Variants in CDCA7L observed in about 807,000 individuals in gnomAD.
CDCA7L encodes cell division cycle associated 7 like.
In CDCA7L, 44 loss-of-function variants were observed where a neutral mutation model predicts 57.4. The observed-to-expected ratio is 0.77, with a 90% CI of 0.60 to 0.98. The LOEUF (loss-of-function observed/expected upper bound fraction) is 0.98. CDCA7L is among the 50% of genes least tolerant of loss of function. The probability of loss-of-function intolerance (pLI) is 0.00; values close to 1 mark genes in which losing one functional copy is unlikely to be tolerated. For synonymous variants in CDCA7L, 236 were observed against 202.8 expected, an observed-to-expected ratio of 1.16 and a Z score of -1.39; for missense variants, 644 against 580.6, an observed-to-expected ratio of 1.11 and a Z score of -1.12.
Position 21,901,334 on chromosome 7 carries a change from A to ATTATTCTAACTTTT in CDCA7L, c.*974_*987dup, listed in dbSNP as rs1243626253. 7 of 1,414,400 alleles carry ATTATTCTAACTTTT rather than the reference A, an allele frequency of 4.9e-6. No homozygotes were observed. Among genetic ancestry groups the ATTATTCTAACTTTT allele is most frequent in the Non-Finnish European group, 6.5e-6 (7 of 1,073,800 alleles). The allele number at this position is 1,414,400 out of a possible 1,614,324, so 87.6% of individuals were successfully genotyped here. A position where few individuals can be genotyped will look rare whatever the true frequency, so the allele number is the denominator to read the frequency against. On this transcript the variant is annotated 3_prime_UTR_variant, in exon 10 of 10. Transcript: ENST00000406877. ...ATGTTGCTGCACTGTTCCCATGCACATTATTCTAACTTTTTAGTAACTCAC... is the reference window on the plus strand; with the variant it reads ...ATGTTGCTGCACTGTTCCCATGCACATTATTCTAACTTTTTTATTCTAACTTTTTAGTAACTCAC...
Position 21,900,928 on chromosome 7 carries a change from T to C in CDCA7L, c.*1394A>G, listed in dbSNP as rs1448777325. The C allele has an allele frequency of 5.7e-6, 8 of 1,401,690 alleles. No homozygotes were observed. Among genetic ancestry groups the C allele is most frequent in the Middle Eastern group, 1.9e-4 (1 of 5,270 alleles). The allele number at this position is 1,401,690 out of a possible 1,614,324, so 86.8% of individuals were successfully genotyped here. On this transcript the variant is annotated 3_prime_UTR_variant, in exon 10 of 10. Transcript: ENST00000406877. The stretch of plus-strand genomic sequence containing the variant: ...ACAAAACCAGAATGTTGAATGTTTA[T>C]TGCATCAAACAACTTACTTGATCAT...
At chr7:21,934,435 AAG>A (rs940721743) in intron 1 of CDCA7L, among the ~76,000 whole-genome samples, 59 of 152,184 alleles carry the variant, frequency 3.9e-4, no homozygotes, top group African/African-American at 1.3e-3. Flanking sequence ...ATGAAATGAG[AAG>A]AGAGTCAAAA....
intron 1 of CDCA7L, among the ~76,000 whole-genome samples, chr7:21,925,134 CA>C (rs1428410325): frequency 6.6e-6 from 1 of 151,902 alleles, no homozygotes; most frequent in Non-Finnish European, 1.5e-5. Context: ...AAAGATCTGA[CA>C]AAAATATGAC....
chr7:21,902,395 C>A, intron 9 of CDCA7L, 43 bp from the exon 10 acceptor site: 1 of 1,572,364 alleles, frequency 6.4e-7, no homozygotes, highest in South Asian at 1.1e-5. Context: ...AGTACAAATA[C>A]ACAAATGGCA....
At chr7:21,931,619 A>C (rs60570662) in intron 1 of CDCA7L, among the ~76,000 whole-genome samples, 13,717 of 152,250 alleles carry the variant, frequency 0.09, 636 homozygotes, top group South Asian at 0.13. Flanking sequence ...GTATTGATGG[A>C]ACAGATCTCA....
intron 3 of CDCA7L, 120 bp downstream of exon 3, chr7:21,911,497 G>C (rs753413778): frequency 3.2e-6 from 4 of 1,264,452 alleles, no homozygotes; most frequent in Admixed American, 5.1e-5. Context: ...TTAATTGCTT[G>C]TAAGATAAAT....
Position 21,902,054 on chromosome 7 carries a change from CTGTGCTTTTTAA to C in CDCA7L, c.*256_*267del, listed in dbSNP as rs1784904317. The C allele has an allele frequency of 2.1e-6, 1 of 475,600 alleles. No individual in the cohort carries two copies. The allele number at this position is 475,600 out of a possible 1,614,324, so 29.5% of individuals were successfully genotyped here. On this transcript the variant is annotated 3_prime_UTR_variant, in exon 10 of 10. Coordinates refer to ENST00000406877, the MANE Select transcript of CDCA7L (RefSeq NM_018719.5). ...GAACTTTAACCCCACCCCATTTAAACTGTGCTTTTTAATAACTGGCAGATATTTTTAACAAAG... is the reference window on the plus strand; with the variant it reads ...GAACTTTAACCCCACCCCATTTAAACTAACTGGCAGATATTTTTAACAAAG...
intron 1 of CDCA7L, among the ~76,000 whole-genome samples, chr7:21,942,862 C>T (rs774393947): frequency 1.3e-5 from 2 of 152,196 alleles, no homozygotes; most frequent in Non-Finnish European, 2.9e-5. Context: ...TCTGGAATTA[C>T]ATGTTAAACA....
chr7:21,902,565 C>CGACTCAGAGTTTATTA (rs1784954521), intron 9 of CDCA7L: 3 of 578,926 alleles, frequency 5.2e-6, no homozygotes, highest in Non-Finnish European at 9.2e-6. Flanking sequence ...TCCAGAACCA[C>CGACTCAGAGTTTATTA]GATTCAGAGT....
chr7:21,921,074 T>C (rs1414974516), intron 1 of CDCA7L, among the ~76,000 whole-genome samples: 1 of 152,148 alleles, frequency 6.6e-6, no homozygotes, highest in Admixed American at 6.5e-5. Context: ...ATAAACTGCT[T>C]CCAGCAGCAA....
chr7:21,911,816 T>C lies in CDCA7L; in HGVS notation c.166-62A>G, dbSNP rs371023204. On this transcript the variant is annotated intron_variant, in intron 2 of 9. Coordinates refer to ENST00000406877, the MANE Select transcript of CDCA7L (RefSeq NM_018719.5). ...TAGAATAGAGGTTACCAGGGAAGGGTAGAATGAGGAGCTACTGAACGGGTA... is the reference window on the plus strand; with the variant it reads ...TAGAATAGAGGTTACCAGGGAAGGGCAGAATGAGGAGCTACTGAACGGGTA... 1.7e-5 allele frequency: 26 copies of C among 1,507,294 alleles called. 1 individual carries two copies. The highest frequency in any genetic ancestry group is 1.1e-4 in the East Asian group (5 of 44,244). 93.4% of individuals were successfully genotyped at this position (1,507,294 alleles called of 1,614,324 possible). A position where few individuals can be genotyped will look rare whatever the true frequency, so the allele number is the denominator to read the frequency against.
chr7:21,941,657 G>T (rs1786343195), intron 1 of CDCA7L, among the ~76,000 whole-genome samples: 1 of 152,174 alleles, frequency 6.6e-6, no homozygotes, highest in African/African-American at 2.4e-5. Flanking sequence ...TAGTTAAAGG[G>T]AGGAGGGAAC....
intron 1 of CDCA7L, among the ~76,000 whole-genome samples, chr7:21,934,317 G>C (rs1398452931): frequency 6.6e-6 from 1 of 152,106 alleles, no homozygotes; most frequent in Non-Finnish European, 1.5e-5. Context: ...TAGAATTTTT[G>C]TATGTCGCTG....
At position 21,904,117 on chromosome 7, in the gene CDCA7L, A is replaced by C; in HGVS notation, c.1190T>G (p.Leu397Arg). The C allele has an allele frequency of 1.2e-6, 2 of 1,600,428 alleles. No homozygotes were observed. Among genetic ancestry groups the C allele is most frequent in the Non-Finnish European group, 1.7e-6 (2 of 1,174,296 alleles). ...RYGEDVRSAL[L>R]DPDWVCPPCR... ...TGCAAACACTGTTCCTACCGGGTCC[A>C]GCAATGCCGATCTGACATCCTCCCC... The change falls in exon 8 of 10, where the codon CTG becomes CGG. Residue 397 changes from leucine to arginine, a missense_variant. Transcript: ENST00000406877.
rs200891942 is a variant in CDCA7L at position 21,908,392 on chromosome 7, A to G, written c.419T>C (p.Ile140Thr). 158 of 1,608,876 alleles carry G rather than the reference A, an allele frequency of 9.8e-5. 2 individuals are homozygous for G. In the South Asian group the frequency reaches 1.1e-3, roughly 11 times the overall value. The change falls in exon 4 of 10, where the codon ATT (isoleucine) becomes ACT (threonine). Residue 140 changes from isoleucine to threonine, a missense_variant. By Grantham distance (89) the Ile-to-Thr change is moderately conservative. Transcript: ENST00000406877. ...GAACTGAAAGGCTACTCGAAGACCA[A>G]TACTACTTCTTCTAGACCTGCTTCT... is the stretch of plus-strand genomic sequence containing the variant. ...PRRSRSRRSS[I>T]GLRVAFQFPT...
At chr7:21,932,924 A>G (rs1302778267) in intron 1 of CDCA7L, among the ~76,000 whole-genome samples, 1 of 151,870 alleles carries the variant, frequency 6.6e-6, no homozygotes, top group Non-Finnish European at 1.5e-5. Context: ...GCTAATATCC[A>G]GAATCTACAA....
chr7:21,929,663 A>C (rs1295153072), intron 1 of CDCA7L, among the ~76,000 whole-genome samples: 2 of 141,326 alleles, frequency 1.4e-5, no homozygotes, highest in African/African-American at 5.4e-5. Context: ...AAAAGCAGGG[A>C]TTGCAATCCT....
chr7:21,907,882 C>G, intron 4 of CDCA7L, among the ~76,000 whole-genome samples: 1 of 152,204 alleles, frequency 6.6e-6, no homozygotes, highest in East Asian at 1.9e-4. Flanking sequence ...CAGTAAGCAG[C>G]ATTATGGCAC....
In CDCA7L at chr7:21,905,642, A is replaced by G; in HGVS notation, c.922-11T>C. ...CTCCCGGCATTTCCCCTGCACAATG[A>G]ACACAAGCAGAACATGGAGATGTGT... is the stretch of plus-strand genomic sequence containing the variant. On this transcript the variant is annotated splice_polypyrimidine_tract_variant and intron_variant, in intron 6 of 9. Transcript: ENST00000406877. 6.2e-7 allele frequency: 1 copy of G among 1,612,870 alleles called. No individual in the cohort carries two copies. The highest frequency in any genetic ancestry group is 8.5e-7 in the Non-Finnish European group (1 of 1,179,674).
Sources: allele counts gnomAD v4.1 joint callset (sites outside exome capture counted in the v4.1 genomes callset), GRCh38; gene constraint gnomAD v4.1.1; transcripts MANE v1.5; gene names NCBI Gene and HGNC (gene_info 2026-07-23, HGNC 2026-07-21).